ZNRF1: variants seen among roughly 807,000 people sequenced by gnomAD.
ZNRF1 encodes the protein E3 ubiquitin-protein ligase ZNRF1.
In ZNRF1, 3 loss-of-function variants were observed where a neutral mutation model predicts 18.4. The ratio of observed to expected loss-of-function variants is 0.16; its 90% CI spans 0.07 to 0.42. The LOEUF (loss-of-function observed/expected upper bound fraction) is 0.42. Ranked by LOEUF, ZNRF1 falls within the 10% of genes least tolerant of loss-of-function variation. The pLI is 0.99. For synonymous variants in ZNRF1, 157 were observed against 144.2 expected (o/e 1.09, Z -0.64); for missense variants, 310 against 329.8 (o/e 0.94, Z 0.47).
intron 1 of ZNRF1, among the ~76,000 whole-genome samples, chr16:75,042,740 C>T (rs1033339940): frequency 2.0e-5 from 3 of 152,062 alleles, no homozygotes; most frequent in African/African-American, 4.8e-5. Context: ...TTTCCATGTA[C>T]GTTTTAGGAT....
chr16:75,079,372 C>T (rs994367954), intron 1 of ZNRF1, among the ~76,000 whole-genome samples: 8 of 152,120 alleles, frequency 5.3e-5, no homozygotes, highest in Admixed American at 3.9e-4. Context: ...CCCAGCTACT[C>T]GGGAGGCTGA....
At chr16:75,055,292 G>A (rs1189177032) in intron 1 of ZNRF1, among the ~76,000 whole-genome samples, 2 of 152,116 alleles carry the variant, frequency 1.3e-5, no homozygotes, top group African/African-American at 4.8e-5. Flanking sequence ...ATTTATTTTT[G>A]AGGCGGAGTC....
intron 1 of ZNRF1, among the ~76,000 whole-genome samples, chr16:75,019,793 C>T (rs1472696295): frequency 3.3e-5 from 5 of 152,176 alleles, no homozygotes; most frequent in African/African-American, 7.2e-5. Flanking sequence ...GGTGCAGTCG[C>T]GGCTCACTGC....
chr16:75,045,287 C>T, intron 1 of ZNRF1, among the ~76,000 whole-genome samples: 1 of 152,160 alleles, frequency 6.6e-6, no homozygotes, highest in Non-Finnish European at 1.5e-5. Flanking sequence ...AATACATGAA[C>T]TCTGCCTGCC....
At chr16:75,055,851 T>A (rs1305132745) in intron 1 of ZNRF1, among the ~76,000 whole-genome samples, 1 of 152,232 alleles carries the variant, frequency 6.6e-6, no homozygotes, top group Non-Finnish European at 1.5e-5. Flanking sequence ...AAAGCTGGCC[T>A]TGTCTCCAAC....
intron 1 of ZNRF1, among the ~76,000 whole-genome samples, chr16:75,063,054 T>C (rs2035762082): frequency 6.6e-6 from 1 of 152,136 alleles, no homozygotes; most frequent in Non-Finnish European, 1.5e-5. Flanking sequence ...TCAGAGGCTT[T>C]ATAATGGGAG....
intron 1 of ZNRF1, among the ~76,000 whole-genome samples, chr16:75,012,446 T>C (rs2035011169): frequency 6.6e-6 from 1 of 152,182 alleles, no homozygotes; most frequent in Non-Finnish European, 1.5e-5. Context: ...CTTTTCCATA[T>C]GGTCAGCTTG....
At chr16:75,019,778 G>A (rs1202271506) in intron 1 of ZNRF1, among the ~76,000 whole-genome samples, 1 of 152,088 alleles carries the variant, frequency 6.6e-6, no homozygotes, top group East Asian at 1.9e-4. Flanking sequence ...AGGCTGGAGT[G>A]CAGTGGTGCA....
intron 1 of ZNRF1, among the ~76,000 whole-genome samples, chr16:75,039,109 A>G (rs962767040): frequency 1.3e-5 from 2 of 152,224 alleles, no homozygotes; most frequent in African/African-American, 4.8e-5. Flanking sequence ...ATTGTGCAGA[A>G]TTAATAGTTC....
intron 1 of ZNRF1, among the ~76,000 whole-genome samples, chr16:75,046,470 C>G (rs183945966): frequency 6.8e-6 from 1 of 147,352 alleles, no homozygotes; most frequent in Admixed American, 6.7e-5. Context: ...CAGGTTGATC[C>G]CGAACTCCTG....
intron 3 of ZNRF1, chr16:75,106,251 C>A: frequency 1.9e-6 from 1 of 536,336 alleles, no homozygotes; most frequent in Non-Finnish European, 3.4e-6. Flanking sequence ...AGCACCAGAT[C>A]CCCCTGAGCC....
rs1448778161 is a variant in ZNRF1, at chr16:74,999,247, G to C, written c.-425G>C. The C allele has an allele frequency of 2.7e-5, 4 of 146,136 alleles. No individual in the cohort carries two copies. The highest frequency in any genetic ancestry group is 9.9e-5 in the African/African-American group (4 of 40,254). 9.1% of individuals were successfully genotyped at this position (146,136 alleles called of 1,614,324 possible). ...TCCTGAGGCGGGGGACGCGCCCGGC[G>C]CCCCCGGCCCTCCTCCGCCTCCTCC... On this transcript the variant is annotated 5_prime_UTR_variant, in exon 1 of 5. Transcript: ENST00000335325.
chr16:75,095,730 G>A, intron 2 of ZNRF1: 3 of 1,537,218 alleles, frequency 2.0e-6, no homozygotes, highest in Non-Finnish European at 2.6e-6. Flanking sequence ...TACCCCCACT[G>A]CCCTGTGGAG....
intron 1 of ZNRF1, among the ~76,000 whole-genome samples, chr16:75,047,559 T>A (rs1480724428): frequency 6.6e-6 from 1 of 152,276 alleles, no homozygotes; most frequent in Non-Finnish European, 1.5e-5. Flanking sequence ...TCTGTTTGTT[T>A]TCTAATTGTT....
intron 2 of ZNRF1, among the ~76,000 whole-genome samples, chr16:75,096,704 G>A (rs1567494479): frequency 1.3e-5 from 2 of 152,086 alleles, no homozygotes; most frequent in African/African-American, 2.4e-5. Flanking sequence ...AATTTATGAT[G>A]GTTATATAAG....
At chr16:75,088,370 G>T (rs1456262571) in intron 1 of ZNRF1, among the ~76,000 whole-genome samples, 2 of 152,116 alleles carry the variant, frequency 1.3e-5, no homozygotes, top group Non-Finnish European at 2.9e-5. Flanking sequence ...TGCAGATTCA[G>T]CATCTTACAA....
intron 2 of ZNRF1, chr16:75,095,784 C>T: frequency 1.4e-6 from 2 of 1,473,834 alleles, no homozygotes; most frequent in Non-Finnish European, 9.1e-7. Flanking sequence ...CAGAGAACTG[C>T]CTGGGACGCC....
intron 1 of ZNRF1, among the ~76,000 whole-genome samples, chr16:75,010,711 G>GTTTTTTTTTTTTTTTTTTTTTTTT (rs67210395): frequency 4.0e-5 from 3 of 74,324 alleles, no homozygotes; most frequent in Admixed American, 1.6e-4. Flanking sequence ...GTTTTTTTTT[G>GTTTTTTTTTTTTTTTTTTTTTTTT]TTTTTTTGTT....
chr16:75,048,488 A>C (rs183703840), intron 1 of ZNRF1, among the ~76,000 whole-genome samples: 2 of 152,314 alleles, frequency 1.3e-5, no homozygotes, highest in Admixed American at 6.5e-5. Flanking sequence ...GAAAGTGGGC[A>C]TCCTTGTTTT....
Sources: allele counts gnomAD v4.1 joint callset (sites outside exome capture counted in the v4.1 genomes callset), GRCh38; gene constraint gnomAD v4.1.1; transcripts MANE v1.5; gene names NCBI Gene and HGNC (gene_info 2026-07-23, HGNC 2026-07-21).